Variants in DDX39B observed in about 807,000 individuals in gnomAD.
DDX39B encodes DExD-box helicase 39B.
A neutral mutation model predicts 46.4 loss-of-function variants in DDX39B; 6 were observed. The observed-to-expected ratio is 0.13, with a 90% confidence interval of 0.07 to 0.26. The LOEUF (loss-of-function observed/expected upper bound fraction) is 0.26. DDX39B is among the 10% of genes least tolerant of loss of function. The pLI is 1.00. For synonymous variants in DDX39B, 174 were observed against 199.4 expected (o/e 0.87, Z 1.07); for missense variants, 185 against 553.4 (o/e 0.33, Z 6.68).
intron 4 of DDX39B, 149 bp downstream of exon 4, chr6:31,538,614 C>T: frequency 1.5e-6 from 1 of 681,800 alleles, no homozygotes; most frequent in East Asian, 2.7e-5. Context: ...AGCCCAATTA[C>T]GAATCCTCCT....
At chr6:31,537,920 A>G (rs918273612) in intron 4 of DDX39B, among the ~76,000 whole-genome samples, 1 of 152,126 alleles carries the variant, frequency 6.6e-6, no homozygotes, top group Non-Finnish European at 1.5e-5. Flanking sequence ...CTGTAGTCCC[A>G]GCTACTCGGG....
At chr6:31,540,263 T>C in intron 2 of DDX39B, 59 bp downstream of exon 2, 11 of 1,563,906 alleles carry the variant, frequency 7.0e-6, no homozygotes, top group Non-Finnish European at 9.7e-6. Flanking sequence ...GACAAACACA[T>C]CTTTGTATTG....
chr6:31,541,357 G>A (rs1240013787), intron 1 of DDX39B: 3 of 377,572 alleles, frequency 7.9e-6, no homozygotes, highest in South Asian at 4.0e-5. Context: ...AGGTGACAGA[G>A]AAAGGCAATC....
intron 2 of DDX39B, 99 bp from the exon 3 acceptor site, chr6:31,539,373 A>C: frequency 4.6e-6 from 7 of 1,521,960 alleles, no homozygotes; most frequent in Non-Finnish European, 6.2e-6. Context: ...CTCAATTCTC[A>C]AAGTCTAGTA....
intron 1 of DDX39B, chr6:31,541,631 T>C (rs1342370597): frequency 6.2e-6 from 3 of 480,342 alleles, no homozygotes; most frequent in East Asian, 6.7e-5. Flanking sequence ...CCTCCGCAAA[T>C]ACCAAGACCA....
In DDX39B at chr6:31,538,925, G is replaced by A; in HGVS notation, c.340-70C>T. 3.9e-6 allele frequency: 6 copies of A among 1,544,428 alleles called. No individual in the cohort carries two copies. The South Asian group carries it at 6.7e-5, about 17-fold the overall frequency. ...CATTATCCCCTCTAGGGAAGTGACT[G>A]TCACAAAAACACACCTGGGCCGATA... On this transcript the variant is annotated intron_variant, in intron 3 of 10. Transcript: ENST00000396172.
At position 31,532,925 on chromosome 6, in the gene DDX39B, A is replaced by T; in HGVS notation, c.736-14T>A. 4.9e-5 allele frequency: 19 copies of T among 385,920 alleles called. No individual in the cohort carries two copies. The highest frequency in any genetic ancestry group is 9.0e-4 in the Middle Eastern group (1 of 1,116). 23.9% of individuals were successfully genotyped at this position (385,920 alleles called of 1,614,324 possible). A position where few individuals can be genotyped will look rare whatever the true frequency, so the allele number is the denominator to read the frequency against. ...GATCTCCATTGGCTGGGGGGGAGGAAGGGGGTGGGGAACGGGAGGAGGGCA... is the reference window on the plus strand; with the variant it reads ...GATCTCCATTGGCTGGGGGGGAGGATGGGGGTGGGGAACGGGAGGAGGGCA... On this transcript the variant is annotated splice_polypyrimidine_tract_variant and intron_variant, in intron 6 of 10. Coordinates refer to ENST00000396172, the MANE Select transcript of DDX39B (RefSeq NM_004640.7).
chr6:31,540,401 G>A lies in DDX39B; in HGVS notation c.132C>T (p.Ser44=), dbSNP rs763394152. ...TGAGCAGGAAGTCACGAAAGCCAGAGCTGTGGATGGAGACATAGGAGCCCT... is the reference window on the plus strand; with the variant it reads ...TGAGCAGGAAGTCACGAAAGCCAGAACTGTGGATGGAGACATAGGAGCCCT... ...DVKGSYVSIH[S]SGFRDFLLKP... The change falls in exon 2 of 11, where the codon AGC becomes AGT. Residue 44 remains serine, a synonymous_variant. Transcript: ENST00000396172. 8.1e-6 allele frequency: 13 copies of A among 1,614,106 alleles called. No homozygotes were observed. In the South Asian group the frequency reaches 1.2e-4, roughly 15 times the overall value.
At chr6:31,537,495 C>T (rs1425545708) in intron 4 of DDX39B, among the ~76,000 whole-genome samples, 1 of 151,518 alleles carries the variant, frequency 6.6e-6, no homozygotes, top group Non-Finnish European at 1.5e-5. Context: ...CCACAAAAAA[C>T]ACATGGAACA....
intron 5 of DDX39B, chr6:31,536,259 T>C (rs980469729): frequency 1.6e-6 from 1 of 622,856 alleles, no homozygotes; most frequent in Admixed American, 2.6e-5. Context: ...GACTTATGCC[T>C]AAAATTATCA....
intron 4 of DDX39B, among the ~76,000 whole-genome samples, chr6:31,537,022 A>T (rs1767861066): frequency 6.6e-6 from 1 of 152,336 alleles, no homozygotes; most frequent in Non-Finnish European, 1.5e-5. Flanking sequence ...CAGGAGGCTG[A>T]GGCACGAGAA....
At chr6:31,536,249 G>A (rs969059972) in intron 5 of DDX39B, 34 of 591,382 alleles carry the variant, frequency 5.7e-5, no homozygotes, top group Non-Finnish European at 9.4e-5. Flanking sequence ...TGGTGGTGAT[G>A]ACTTATGCCT....
Position 31,537,790 on chromosome 6 carries a change from C to CT in DDX39B, c.432+972dup, listed in dbSNP as rs200011023. 5.3e-3 allele frequency among the ~76,000 whole-genome samples: 801 copies of CT among 152,138 alleles called. 6 individuals carry two copies. The highest frequency in any genetic ancestry group is 0.018 in the African/African-American group (758 of 41,510). On this transcript the variant is annotated intron_variant, in intron 4 of 10. Coordinates refer to ENST00000396172, the MANE Select transcript of DDX39B (RefSeq NM_004640.7). ...GTGGCTCACTCCTGTAATCCCAGCA[C>CT]TTTGGGAGGCCGAGGTGGGTGGATC...
chr6:31,540,628 G>T lies in DDX39B; in HGVS notation c.-96C>A. 8.6e-7 allele frequency: 1 copy of T among 1,169,306 alleles called. No homozygotes were observed. Among genetic ancestry groups the T allele is most frequent in the Non-Finnish European group, 1.2e-6 (1 of 811,400 alleles). 72.4% of individuals were successfully genotyped at this position (1,169,306 alleles called of 1,614,324 possible). ...GTGAAGAGTAGGGGATTGAGGAACA[G>T]CAAAGGAAAACAAAGATACTATTTC... is the stretch of plus-strand genomic sequence containing the variant. On this transcript the variant is annotated 5_prime_UTR_variant, in exon 2 of 11. In the 5' UTR this introduces an upstream ATG that the reference lacks. Coordinates refer to ENST00000396172, the MANE Select transcript of DDX39B (RefSeq NM_004640.7).
intron 6 of DDX39B, 176 bp from the exon 7 acceptor site, chr6:31,533,087 C>T: frequency 1.8e-6 from 1 of 546,866 alleles, no homozygotes; most frequent in Non-Finnish European, 3.3e-6. Flanking sequence ...GTCTCTCTCA[C>T]ATTACATCTA....
intron 1 of DDX39B, chr6:31,541,350 T>A: frequency 2.6e-6 from 1 of 380,956 alleles, no homozygotes; most frequent in South Asian, 2.0e-5. Context: ...AGCTAATAGG[T>A]GACAGAGAAA....
At position 31,538,756 on chromosome 6, in the gene DDX39B, G is replaced by T; in HGVS notation, c.432+7C>A. 1 of 1,610,598 alleles carries T rather than the reference G, an allele frequency of 6.2e-7. No individual in the cohort carries two copies. On this transcript the variant is annotated splice_region_variant and intron_variant, in intron 4 of 10. Transcript: ENST00000396172. ...CCTCACTCTCAGGTCTCTTTACCTT[G>T]GCTTACCTTGACATTGGGCATGTAT...
chr6:31,535,407 C>T lies in DDX39B; in HGVS notation c.695G>A (p.Ser232Asn). 1 of 1,613,408 alleles carries T rather than the reference C, an allele frequency of 6.2e-7. No individual in the cohort carries two copies. Residue 232 changes from serine to asparagine, a missense_variant, in exon 6 of 11, where the codon AGC (serine) becomes AAC (asparagine). Coordinates refer to ENST00000396172, the MANE Select transcript of DDX39B (RefSeq NM_004640.7). This position sits in a 1 kb window ranked among gnomAD's most constrained non-coding sequence, Gnocchi z 4.6. ...KQVMMFSATL[S>N]KEIRPVCRKF... ...GCGGCAGACTGGACGGATCTCTTTG[C>T]TCAAGGTAGCACTGAACATCATGAC...
intron 7 of DDX39B, 79 bp downstream of exon 7, chr6:31,532,701 A>G: frequency 1.3e-6 from 2 of 1,546,430 alleles, no homozygotes; most frequent in Admixed American, 1.7e-5. Flanking sequence ...TTTCCTCAAT[A>G]AAAGTGTACT....
Sources: allele counts gnomAD v4.1 joint callset (sites outside exome capture counted in the v4.1 genomes callset), GRCh38; gene constraint gnomAD v4.1.1; non-coding constraint Gnocchi (gnomAD v3.1); transcripts MANE v1.5; gene names NCBI Gene and HGNC (gene_info 2026-07-23, HGNC 2026-07-21).